Variants in OTUD7A observed in about 807,000 individuals in gnomAD.
OTUD7A encodes the protein OTU domain-containing protein 7A.
Under a neutral mutation model 65.7 loss-of-function variants are expected in OTUD7A, and 12 were observed. That is an observed-to-expected ratio of 0.18 (90% CI 0.12 to 0.30). The LOEUF (loss-of-function observed/expected upper bound fraction) is 0.30, where lower values mean the gene tolerates loss of function less well. OTUD7A is among the 10% of genes least tolerant of loss of function. OTUD7A has a pLI of 1.00. For missense variants in OTUD7A, 1,148 were observed against 1,304.8 expected, an observed-to-expected ratio of 0.88 and a Z score of 1.85; for synonymous variants, 641 against 586.3, an observed-to-expected ratio of 1.09 and a Z score of -1.35.
intron 3 of OTUD7A, among the ~76,000 whole-genome samples, chr15:31,575,689 C>T (rs985056340): frequency 2.0e-5 from 3 of 152,178 alleles, no homozygotes; most frequent in Admixed American, 6.5e-5. Context: ...AGGAGCATCT[C>T]CCATCAAAAA....
intron 1 of OTUD7A, among the ~76,000 whole-genome samples, chr15:31,816,554 CACA>C (rs1896554021): frequency 6.6e-6 from 1 of 151,508 alleles, no homozygotes; most frequent in Non-Finnish European, 1.5e-5. Flanking sequence ...AATAGCCTGG[CACA>C]GTGGCGGGCA....
At chr15:31,741,277 G>A (rs1894335484) in intron 1 of OTUD7A, among the ~76,000 whole-genome samples, 1 of 152,148 alleles carries the variant, frequency 6.6e-6, no homozygotes, top group African/African-American at 2.4e-5. Context: ...GGAGGTTGTG[G>A]TGGGAACAAG....
intron 1 of OTUD7A, among the ~76,000 whole-genome samples, chr15:31,790,286 A>G (rs1236555844): frequency 6.6e-6 from 1 of 152,252 alleles, no homozygotes; most frequent in Non-Finnish European, 1.5e-5. Flanking sequence ...GGAGGCCCCA[A>G]GAGCCAACAA....
At chr15:31,549,114 A>G (rs2141143830) in intron 5 of OTUD7A, among the ~76,000 whole-genome samples, 1 of 145,498 alleles carries the variant, frequency 6.9e-6, no homozygotes, top group South Asian at 2.3e-4. Flanking sequence ...CCAGCCTGGG[A>G]GACAGAGCGA....
chr15:31,688,110 G>C (rs1484507052), intron 1 of OTUD7A, among the ~76,000 whole-genome samples: 1 of 152,048 alleles, frequency 6.6e-6, no homozygotes, highest in Non-Finnish European at 1.5e-5. Context: ...CAGCTACTCG[G>C]GAGGCTGAGA....
chr15:31,530,313 T>C (rs1198026614), intron 6 of OTUD7A, among the ~76,000 whole-genome samples: 1 of 152,212 alleles, frequency 6.6e-6, no homozygotes, highest in African/African-American at 2.4e-5. Context: ...ATTCCTGCCT[T>C]TATGCTTTAT....
At chr15:31,548,728 C>T (rs1280196567) in intron 5 of OTUD7A, among the ~76,000 whole-genome samples, 1 of 152,184 alleles carries the variant, frequency 6.6e-6, no homozygotes, top group Non-Finnish European at 1.5e-5. Context: ...GTGCCCACCC[C>T]ATCCTATCCC....
At chr15:31,789,632 C>T (rs971404395) in intron 1 of OTUD7A, among the ~76,000 whole-genome samples, 4 of 151,392 alleles carry the variant, frequency 2.6e-5, no homozygotes, top group Non-Finnish European at 5.9e-5. Context: ...TCAATAGAAA[C>T]ATATCTGTCT....
intron 8 of OTUD7A, among the ~76,000 whole-genome samples, chr15:31,507,945 C>A (rs894457059): frequency 6.6e-6 from 1 of 152,116 alleles, no homozygotes; most frequent in Non-Finnish European, 1.5e-5. Context: ...GTGATTATAA[C>A]AATAAGTGTT....
At chr15:31,821,181 G>C in intron 1 of OTUD7A, among the ~76,000 whole-genome samples, 1 of 139,312 alleles carries the variant, frequency 7.2e-6, no homozygotes, top group Non-Finnish European at 1.5e-5. Flanking sequence ...CTGTCACCAG[G>C]CTGGAGTGCA....
intron 1 of OTUD7A, among the ~76,000 whole-genome samples, chr15:31,733,186 G>A (rs1894094668): frequency 6.6e-6 from 1 of 152,158 alleles, no homozygotes; most frequent in Non-Finnish European, 1.5e-5. Context: ...ATGGATTGCT[G>A]TGAGGGTGAA....
At chr15:31,751,732 C>CA (rs1894641747) in intron 1 of OTUD7A, among the ~76,000 whole-genome samples, 1 of 151,890 alleles carries the variant, frequency 6.6e-6, no homozygotes, top group Admixed American at 6.6e-5. Context: ...ACTCTGCAGC[C>CA]AAAAAAAGGA....
At chr15:31,562,999 T>A (rs1461275822) in intron 4 of OTUD7A, among the ~76,000 whole-genome samples, 1 of 151,790 alleles carries the variant, frequency 6.6e-6, no homozygotes, top group African/African-American at 2.4e-5. Context: ...TGTAATTCAA[T>A]AGGAATCGAT....
intron 4 of OTUD7A, among the ~76,000 whole-genome samples, chr15:31,562,800 G>C (rs1218178714): frequency 6.6e-6 from 1 of 152,166 alleles, no homozygotes; most frequent in Non-Finnish European, 1.5e-5. Context: ...AGCCGTCGAA[G>C]ACAGTACATA....
chr15:31,669,768 T>C (rs79463995), intron 1 of OTUD7A, among the ~76,000 whole-genome samples: 13,700 of 150,060 alleles, frequency 0.091, 1,021 homozygotes, highest in African/African-American at 0.24. Context: ...AGGATCCCTG[T>C]GGTGCCAGGC....
intron 3 of OTUD7A, among the ~76,000 whole-genome samples, chr15:31,626,191 A>G (rs1269227146): frequency 6.6e-6 from 1 of 152,226 alleles, no homozygotes; most frequent in Non-Finnish European, 1.5e-5. Context: ...AGATTTTACC[A>G]TAAAGAACCA....
chr15:31,520,736 C>T (rs527707281), intron 8 of OTUD7A, among the ~76,000 whole-genome samples: 5 of 152,052 alleles, frequency 3.3e-5, no homozygotes, highest in Non-Finnish European at 7.4e-5. Flanking sequence ...GGAGATTTCT[C>T]AAAGAACTAA....
At chr15:31,854,648 G>C (rs4499199) in intron 1 of OTUD7A, among the ~76,000 whole-genome samples, 142,473 of 152,232 alleles carry the variant, frequency 0.94, 67,389 homozygotes, top group East Asian at 1. Flanking sequence ...AATAGTCTCC[G>C]TATTTTAAAG....
At chr15:31,596,464 G>T (rs1889906881) in intron 3 of OTUD7A, among the ~76,000 whole-genome samples, 1 of 152,170 alleles carries the variant, frequency 6.6e-6, no homozygotes, top group Admixed American at 6.5e-5. Flanking sequence ...AAGTCTTTTT[G>T]TGGACATATG....
Sources: allele counts gnomAD v4.1 joint callset (sites outside exome capture counted in the v4.1 genomes callset), GRCh38; gene constraint gnomAD v4.1.1; transcripts MANE v1.5; gene names NCBI Gene and HGNC (gene_info 2026-07-23, HGNC 2026-07-21).